SPRED2: variants seen among roughly 807,000 people sequenced by gnomAD.
SPRED2 encodes sprouty related EVH1 domain containing 2.
In SPRED2, 47 loss-of-function variants were observed where a neutral mutation model predicts 43.0. The observed-to-expected ratio is 1.09, with a 90% CI of 0.87 to 1.40. The LOEUF (loss-of-function observed/expected upper bound fraction) is 1.40. SPRED2 is among the 40% of genes most tolerant of loss of function. The pLI, the probability that SPRED2 is intolerant of heterozygous loss-of-function variation, is 0.00. For synonymous variants in SPRED2, 225 were observed against 225.7 expected (o/e 1.00, Z 0.03); for missense variants, 561 against 586.4 (o/e 0.96, Z 0.45).
Position 65,313,766 on chromosome 2 carries a change from T to A in SPRED2, c.992A>T (p.Asp331Val), listed in dbSNP as rs1273966246. ...NRRGHCQDAP[D>V]SVRTCIRRVS... ...CCGGCGGATGCAAGTTCTCACGGAG[T>A]CGGGCGCGTCCTGGCAGTGGCCCCG... Residue 331 changes from aspartate (D) to valine (V), a missense_variant, in exon 6 of 6, where the codon GAC (aspartate) becomes GTC (valine). Transcript: ENST00000356388. The A allele has an allele frequency of 2.5e-6, 4 of 1,613,990 alleles. No homozygotes were observed. The highest frequency in any genetic ancestry group is 3.4e-6 in the Non-Finnish European group (4 of 1,179,982).
chr2:65,392,175 CTTTTTTTTTTTT>C (rs70943649), intron 1 of SPRED2, among the ~76,000 whole-genome samples: 26 of 98,728 alleles, frequency 2.6e-4, no homozygotes, highest in South Asian at 2.4e-3. Flanking sequence ...TCCAGAATTT[CTTTTTTTTTTTT>C]TTTTTTTTTG....
At chr2:65,375,381 A>C (rs1675216938) in intron 1 of SPRED2, among the ~76,000 whole-genome samples, 1 of 152,238 alleles carries the variant, frequency 6.6e-6, no homozygotes, top group Non-Finnish European at 1.5e-5. Context: ...AAAGGGACAG[A>C]GATCTGTAGG....
intron 1 of SPRED2, among the ~76,000 whole-genome samples, chr2:65,390,069 C>T (rs1339720213): frequency 1.3e-5 from 2 of 152,166 alleles, no homozygotes; most frequent in South Asian, 2.1e-4. Context: ...TCCTGCAATT[C>T]GCAGAGACCA....
chr2:65,426,032 T>C (rs867050550), intron 1 of SPRED2, among the ~76,000 whole-genome samples: 6 of 152,346 alleles, frequency 3.9e-5, no homozygotes, highest in African/African-American at 1.4e-4. Context: ...CACCCTCAAG[T>C]GTTAAGACTC....
chr2:65,327,401 G>A (rs1483713680), intron 4 of SPRED2, among the ~76,000 whole-genome samples: 1 of 152,162 alleles, frequency 6.6e-6, no homozygotes, highest in East Asian at 1.9e-4. Flanking sequence ...GTTGCAAAAT[G>A]CCTTGGGGCT....
At chr2:65,359,893 C>T (rs186738334) in intron 1 of SPRED2, among the ~76,000 whole-genome samples, 13 of 151,936 alleles carry the variant, frequency 8.6e-5, no homozygotes, top group East Asian at 1.9e-4. Flanking sequence ...GGTGAAACTC[C>T]GTCTCTACTA....
intron 1 of SPRED2, among the ~76,000 whole-genome samples, chr2:65,413,139 G>C (rs987296809): frequency 6.6e-6 from 1 of 152,164 alleles, no homozygotes; most frequent in Non-Finnish European, 1.5e-5. Flanking sequence ...GACACCAAGA[G>C]GACCTTCTTT....
intron 1 of SPRED2, among the ~76,000 whole-genome samples, chr2:65,422,104 A>ACACACACACACACACACACACACT (rs1299857849): frequency 7.8e-6 from 1 of 128,938 alleles, no homozygotes; most frequent in African/African-American, 2.9e-5. Context: ...ACACACACAC[A>ACACACACACACACACACACACACT]CTCTCTCTCT....
In SPRED2 at chr2:65,339,356, C is replaced by A. The variant is rs527807206; in HGVS notation, c.205-4583G>T. Among the ~76,000 whole-genome samples, 19 of 151,964 alleles carry A rather than the reference C, an allele frequency of 1.3e-4. No homozygotes were observed. In the East Asian group the frequency reaches 2.3e-3, roughly 19 times the overall value. ...CTGTGTAGAAAGAAGTAGACATGGG[C>A]GACTTTTCATTTTGTTTTGTACCAA... On this transcript the variant is annotated intron_variant, in intron 2 of 5. Coordinates refer to ENST00000356388, the MANE Select transcript of SPRED2 (RefSeq NM_181784.3).
intron 5 of SPRED2, among the ~76,000 whole-genome samples, chr2:65,315,171 C>A (rs1362027864): frequency 1.3e-5 from 2 of 152,210 alleles, no homozygotes; most frequent in African/African-American, 4.8e-5. Flanking sequence ...TTCTTGCTTT[C>A]GAAGTCCTTT....
chr2:65,316,351 C>T (rs1354778718), intron 5 of SPRED2, among the ~76,000 whole-genome samples: 2 of 152,210 alleles, frequency 1.3e-5, no homozygotes, highest in Non-Finnish European at 2.9e-5. Flanking sequence ...GCCCTTTGGA[C>T]AGAGGAATGC....
At chr2:65,429,724 C>T (rs1676633277) in intron 1 of SPRED2, among the ~76,000 whole-genome samples, 1 of 152,218 alleles carries the variant, frequency 6.6e-6, no homozygotes, top group South Asian at 2.1e-4. Flanking sequence ...AAGGTCATCA[C>T]ATTAAAAATA....
chr2:65,412,363 A>C (rs1220867640), intron 1 of SPRED2, among the ~76,000 whole-genome samples: 1 of 152,160 alleles, frequency 6.6e-6, no homozygotes, highest in Non-Finnish European at 1.5e-5. Flanking sequence ...CAGCTTCAAG[A>C]AAAAATGATT....
intron 1 of SPRED2, among the ~76,000 whole-genome samples, chr2:65,371,815 CCT>C (rs1206757228): frequency 6.6e-6 from 1 of 152,042 alleles, no homozygotes; most frequent in East Asian, 1.9e-4. Flanking sequence ...GTGGCTCACG[CCT>C]CTAATCCCAG....
intron 4 of SPRED2, among the ~76,000 whole-genome samples, chr2:65,326,909 C>T (rs1673637409): frequency 6.6e-6 from 1 of 152,122 alleles, no homozygotes; most frequent in African/African-American, 2.4e-5. Context: ...GGTACAATCA[C>T]AGCTCACTGC....
At chr2:65,338,843 G>C (rs937896174) in intron 2 of SPRED2, among the ~76,000 whole-genome samples, 3 of 143,788 alleles carry the variant, frequency 2.1e-5, no homozygotes, top group African/African-American at 8.3e-5. Context: ...CATCCCACCT[G>C]GGAAGTGAGG....
intron 4 of SPRED2, among the ~76,000 whole-genome samples, chr2:65,318,577 C>G (rs770717341): frequency 6.6e-6 from 1 of 152,066 alleles, no homozygotes; most frequent in African/African-American, 2.4e-5. Flanking sequence ...TCTAGATGCT[C>G]TCTTTCTTGC....
chr2:65,311,934 A>AG lies in SPRED2; in HGVS notation c.*1566dup, dbSNP rs1673080518. 1.0e-6 allele frequency: 1 copy of AG among 985,274 alleles called. No individual in the cohort carries two copies. The highest frequency in any genetic ancestry group is 4.7e-5 in the South Asian group (1 of 21,274). 61.0% of individuals were successfully genotyped at this position (985,274 alleles called of 1,614,324 possible). A position where few individuals can be genotyped will look rare whatever the true frequency, so the allele number is the denominator to read the frequency against. On this transcript the variant is annotated 3_prime_UTR_variant, in exon 6 of 6. Transcript: ENST00000356388. ...TGTGCAATAAAGAAGGAGTGGGGAA[A>AG]GGGAGTGGGGAGCAGGCCATGTCTT...
intron 1 of SPRED2, among the ~76,000 whole-genome samples, chr2:65,348,419 A>G (rs955903): frequency 0.32 from 48,818 of 151,786 alleles, 9,698 homozygotes; most frequent in East Asian, 0.78. Flanking sequence ...GTTCACTGCT[A>G]TATCCCTAGA....
Sources: gnomAD v4.1 joint callset for allele counts (sites outside exome capture counted in the v4.1 genomes callset) on GRCh38, gnomAD v4.1.1 for gene constraint, MANE v1.5 for transcripts, NCBI Gene and HGNC (gene_info 2026-07-23, HGNC 2026-07-21) for gene names.